The following DOCK4 variants were observed in gnomAD, a reference collection of about 807,000 sequenced individuals.
The protein encoded by DOCK4 is dedicator of cytokinesis protein 4.
In DOCK4, 97 loss-of-function variants were observed where a neutral mutation model predicts 268.1. The ratio of observed to expected loss-of-function variants is 0.36; its 90% CI spans 0.31 to 0.43. The LOEUF (loss-of-function observed/expected upper bound fraction) is 0.43, where lower values mean the gene tolerates loss of function less well. Among genes scored for constraint, DOCK4 ranks in the 20% least tolerant of loss-of-function variants. The probability of loss-of-function intolerance (pLI) is 1.00; values close to 1 mark genes in which losing one functional copy is unlikely to be tolerated. For missense variants in DOCK4, 2,145 were observed against 2,455.7 expected, an observed-to-expected ratio of 0.87 and a Z score of 2.67; for synonymous variants, 954 against 887.2, an observed-to-expected ratio of 1.08 and a Z score of -1.34.
chr7:111,897,819 T>A (rs896301459), intron 15 of DOCK4, among the ~76,000 whole-genome samples: 15 of 152,214 alleles, frequency 9.9e-5, no homozygotes, highest in African/African-American at 3.4e-4. Flanking sequence ...TAAAATGCAA[T>A]GTTCGATTTT....
At chr7:111,983,467 T>C (rs1798761638) in intron 7 of DOCK4, among the ~76,000 whole-genome samples, 1 of 152,122 alleles carries the variant, frequency 6.6e-6, no homozygotes, top group Non-Finnish European at 1.5e-5. Flanking sequence ...TGATGGTCTT[T>C]GAAAGCCCAT....
chr7:112,005,292 A>T (rs1800766134), intron 1 of DOCK4, among the ~76,000 whole-genome samples: 1 of 152,230 alleles, frequency 6.6e-6, no homozygotes, highest in Non-Finnish European at 1.5e-5. Context: ...AAAACATGCC[A>T]ATAAGTAATG....
intron 7 of DOCK4, among the ~76,000 whole-genome samples, chr7:111,983,496 TGATTTTG>T (rs1798763968): frequency 1.3e-5 from 2 of 152,132 alleles, no homozygotes; most frequent in South Asian, 4.1e-4. Flanking sequence ...CCCTCTTCTC[TGATTTTG>T]GATTTTCAGA....
intron 1 of DOCK4, among the ~76,000 whole-genome samples, chr7:112,073,939 T>A (rs189487181): frequency 1.3e-5 from 2 of 152,274 alleles, no homozygotes; most frequent in East Asian, 3.9e-4. Flanking sequence ...TTACCCCGAT[T>A]TATCATTATA....
intron 44 of DOCK4, among the ~76,000 whole-genome samples, chr7:111,743,593 C>T (rs1235778149): frequency 6.6e-6 from 1 of 152,150 alleles, no homozygotes; most frequent in African/African-American, 2.4e-5. Context: ...TAAACACTAG[C>T]GTTGGGTGAC....
intron 42 of DOCK4, among the ~76,000 whole-genome samples, chr7:111,748,707 C>CGT (rs1796438394): frequency 6.6e-6 from 1 of 151,596 alleles, no homozygotes; most frequent in Non-Finnish European, 1.5e-5. Context: ...GATATATATA[C>CGT]ATGTGTGTGT....
At chr7:111,990,894 CAT>C (rs751452645) in intron 5 of DOCK4, among the ~76,000 whole-genome samples, 6 of 152,282 alleles carry the variant, frequency 3.9e-5, no homozygotes, top group South Asian at 2.1e-4. Flanking sequence ...TTGATTTACA[CAT>C]GTTAATTTTT....
intron 13 of DOCK4, among the ~76,000 whole-genome samples, chr7:111,910,913 C>T (rs1792040448): frequency 6.6e-6 from 1 of 152,206 alleles, no homozygotes. Flanking sequence ...GGTACCTCCT[C>T]ACACCAGGAG....
At chr7:111,768,731 C>A (rs1200397624) in intron 37 of DOCK4, among the ~76,000 whole-genome samples, 1 of 152,180 alleles carries the variant, frequency 6.6e-6, no homozygotes, top group African/African-American at 2.4e-5. Flanking sequence ...CCACAAAATT[C>A]TTTAAACAAA....
chr7:112,007,228 G>A (rs1213008824), intron 1 of DOCK4, among the ~76,000 whole-genome samples: 2 of 151,884 alleles, frequency 1.3e-5, no homozygotes, highest in African/African-American at 4.8e-5. Context: ...GTCTATCTGT[G>A]TCTTTCTACT....
chr7:111,871,654 G>A (rs796209391), intron 20 of DOCK4, among the ~76,000 whole-genome samples: 11 of 152,256 alleles, frequency 7.2e-5, no homozygotes, highest in African/African-American at 2.6e-4. Flanking sequence ...TAATCATCAG[G>A]GAGTACAGTG....
intron 8 of DOCK4, among the ~76,000 whole-genome samples, chr7:111,950,935 C>A (rs1420303135): frequency 6.6e-6 from 1 of 152,150 alleles, no homozygotes; most frequent in Non-Finnish European, 1.5e-5. Context: ...TTTCTAGAAA[C>A]ACTGAGAAAT....
At chr7:112,134,120 T>C (rs1294058584) in intron 1 of DOCK4, among the ~76,000 whole-genome samples, 1 of 152,228 alleles carries the variant, frequency 6.6e-6, no homozygotes. Context: ...TGCATTACAA[T>C]GCTTCAGAAT....
At position 111,895,477 on chromosome 7, in the gene DOCK4, G is replaced by T. The variant is rs147469890; in HGVS notation, c.1587+135C>A. 1,131 of 788,312 alleles carry T rather than the reference G, an allele frequency of 1.4e-3. 9 individuals carry two copies. In the African/African-American group the frequency reaches 0.018, roughly 12 times the overall value. The allele number at this position is 788,312 out of a possible 1,614,324, so 48.8% of individuals were successfully genotyped here. ...AATATAGAAACAATACTTTGAAAAA[G>T]ACATTCTCCCTGACAGCAATCTTAC... On this transcript the variant is annotated intron_variant, in intron 16 of 52. Coordinates refer to ENST00000428084, the MANE Select transcript of DOCK4 (RefSeq NM_001363540.2).
chr7:111,760,373 C>A, intron 39 of DOCK4, 51 bp from the exon 40 acceptor site: 1 of 1,565,402 alleles, frequency 6.4e-7, no homozygotes, highest in Non-Finnish European at 8.7e-7. Flanking sequence ...GAGTGGATTA[C>A]AGACAGAGCC....
chr7:111,937,830 T>G (rs536015873), intron 11 of DOCK4, among the ~76,000 whole-genome samples: 1 of 152,292 alleles, frequency 6.6e-6, no homozygotes, highest in Non-Finnish European at 1.5e-5. Context: ...CTAGGCAACA[T>G]GGGGCAAGTT....
intron 1 of DOCK4, among the ~76,000 whole-genome samples, chr7:112,105,338 A>G (rs1044101736): frequency 6.6e-6 from 1 of 152,226 alleles, no homozygotes; most frequent in Non-Finnish European, 1.5e-5. Flanking sequence ...CTTTAAAAAT[A>G]AAAAGTACAT....
intron 1 of DOCK4, among the ~76,000 whole-genome samples, chr7:112,049,175 CTGTT>C (rs1805128146): frequency 6.6e-6 from 1 of 152,114 alleles, no homozygotes; most frequent in Non-Finnish European, 1.5e-5. Context: ...AGTCAATTGA[CTGTT>C]CTAACAAAAA....
chr7:112,174,042 C>T (rs920484884), intron 1 of DOCK4, among the ~76,000 whole-genome samples: 1 of 151,690 alleles, frequency 6.6e-6, no homozygotes, highest in African/African-American at 2.4e-5. Flanking sequence ...ACCTCCCCAC[C>T]TCTGCACCAA....
Sources: allele counts gnomAD v4.1 joint callset (sites outside exome capture counted in the v4.1 genomes callset), GRCh38; gene constraint gnomAD v4.1.1; transcripts MANE v1.5; gene names NCBI Gene and HGNC (gene_info 2026-07-23, HGNC 2026-07-21).